ACER3: variants seen among roughly 807,000 people sequenced by gnomAD.
The protein encoded by ACER3 is alkaline ceramidase 3.
Under a neutral mutation model 48.9 loss-of-function variants are expected in ACER3, and 16 were observed. The ratio of observed to expected loss-of-function variants is 0.33; its 90% CI spans 0.22 to 0.50. The LOEUF is 0.50. ACER3 is among the 20% of genes least tolerant of loss of function. The pLI is 0.98. For missense variants in ACER3, 227 were observed against 326.0 expected (o/e 0.70, Z 2.34); for synonymous variants, 109 against 107.8 (o/e 1.01, Z -0.07).
At chr11:76,927,852 T>C (rs563913802) in intron 2 of ACER3, among the ~76,000 whole-genome samples, 144 of 152,314 alleles carry the variant, frequency 9.5e-4, no homozygotes, top group Middle Eastern at 3.4e-3. Flanking sequence ...TCTTAATCCA[T>C]TCTATCATTG....
chr11:76,875,735 T>G (rs1457487768), intron 1 of ACER3, among the ~76,000 whole-genome samples: 1,592 of 117,352 alleles, frequency 0.014, 36 homozygotes, highest in African/African-American at 0.071. Context: ...TTTTGTTGTT[T>G]TTTTTTTTTT....
Position 77,022,556 on chromosome 11 carries a change from C to A in ACER3, c.*2229C>A, listed in dbSNP as rs1240682286. 6.6e-6 allele frequency: 1 copy of A among 152,204 alleles called. No homozygotes were observed. The highest frequency in any genetic ancestry group is 1.5e-5 in the Non-Finnish European group (1 of 68,048). The allele number at this position is 152,204 out of a possible 1,614,324, so 9.4% of individuals were successfully genotyped here. Reference sequence around the variant, plus strand: ...TACTCAAGACTTTGTATCTGTGCAGCATTTTATGGAAATCACTGGTGACCT... The same window carrying A: ...TACTCAAGACTTTGTATCTGTGCAGAATTTTATGGAAATCACTGGTGACCT... On this transcript the variant is annotated 3_prime_UTR_variant, in exon 11 of 11. Transcript: ENST00000532485.
chr11:76,872,423 A>T (rs1945265863), intron 1 of ACER3, among the ~76,000 whole-genome samples: 1 of 151,728 alleles, frequency 6.6e-6, no homozygotes, highest in African/African-American at 2.4e-5. Flanking sequence ...CTACCACACT[A>T]CCCTGCCTTC....
chr11:76,961,563 A>AG (rs1174769606), intron 3 of ACER3, among the ~76,000 whole-genome samples: 2 of 151,420 alleles, frequency 1.3e-5, no homozygotes, highest in African/African-American at 4.9e-5. Flanking sequence ...AAAAAAAAAA[A>AG]GGACAATATC....
At chr11:76,997,247 G>A (rs895073054) in intron 6 of ACER3, among the ~76,000 whole-genome samples, 1 of 152,066 alleles carries the variant, frequency 6.6e-6, no homozygotes, top group Non-Finnish European at 1.5e-5. Flanking sequence ...TTTAAACACC[G>A]TATCCTCCAG....
chr11:76,975,573 G>A (rs186911074), intron 3 of ACER3, among the ~76,000 whole-genome samples: 1 of 152,226 alleles, frequency 6.6e-6, no homozygotes, highest in Non-Finnish European at 1.5e-5. Flanking sequence ...ATATAGGAAG[G>A]ATGGAAATGC....
Position 76,907,957 on chromosome 11 carries a change from C to T in ACER3, c.104-18600C>T, listed in dbSNP as rs146295760. 5.3e-3 allele frequency among the ~76,000 whole-genome samples: 804 copies of T among 152,254 alleles called. 5 individuals are homozygous for T. The highest frequency in any genetic ancestry group is 0.017 in the African/African-American group (694 of 41,558). ...ATTATATACAAATTATAATTTTTGC[C>T]GGGCACAGTGGCTGACGCCTGTAAT... On this transcript the variant is annotated intron_variant, in intron 1 of 10. Transcript: ENST00000532485.
At chr11:76,971,476 G>T (rs1046544184) in intron 3 of ACER3, among the ~76,000 whole-genome samples, 3 of 151,750 alleles carry the variant, frequency 2.0e-5, no homozygotes, top group African/African-American at 7.3e-5. Context: ...GGAGGCAGAG[G>T]TTGCAGTGAG....
intron 1 of ACER3, among the ~76,000 whole-genome samples, chr11:76,917,859 CAAA>C (rs5792749): frequency 2.4e-4 from 27 of 112,988 alleles, no homozygotes; most frequent in Non-Finnish European, 3.5e-4. Flanking sequence ...GACCCTGTCT[CAAA>C]AAAAAAAAAA....
intron 1 of ACER3, among the ~76,000 whole-genome samples, chr11:76,911,121 A>C (rs928596184): frequency 6.6e-6 from 1 of 152,172 alleles, no homozygotes; most frequent in African/African-American, 2.4e-5. Flanking sequence ...ATCGAAAGCA[A>C]GTTTATTAAG....
intron 1 of ACER3, among the ~76,000 whole-genome samples, chr11:76,861,862 A>G (rs185313076): frequency 6.6e-6 from 1 of 152,236 alleles, no homozygotes; most frequent in African/African-American, 2.4e-5. Context: ...CACCGACTGC[A>G]CCTTCTGAGG....
intron 3 of ACER3, among the ~76,000 whole-genome samples, chr11:76,971,996 GACAGCTT>G (rs1194203400): frequency 6.6e-6 from 1 of 152,158 alleles, no homozygotes; most frequent in Non-Finnish European, 1.5e-5. Context: ...CCCTAGAAAA[GACAGCTT>G]TTTAGCTATT....
At chr11:76,926,967 A>G (rs1300067023) in intron 2 of ACER3, among the ~76,000 whole-genome samples, 1 of 152,094 alleles carries the variant, frequency 6.6e-6, no homozygotes, top group African/African-American at 2.4e-5. Flanking sequence ...TTTGTTTCAG[A>G]TCTTTTTCTT....
At chr11:76,928,587 G>T (rs1260191210) in intron 2 of ACER3, among the ~76,000 whole-genome samples, 1 of 152,108 alleles carries the variant, frequency 6.6e-6, no homozygotes, top group African/African-American at 2.4e-5. Context: ...GGTTTTTATG[G>T]TTTTAGGTCT....
chr11:76,903,066 A>T (rs946893959), intron 1 of ACER3, among the ~76,000 whole-genome samples: 7 of 152,206 alleles, frequency 4.6e-5, no homozygotes, highest in Non-Finnish European at 7.4e-5. Flanking sequence ...CATAAGTTTT[A>T]TGTATCCATG....
At chr11:76,900,562 A>T (rs1226652974) in intron 1 of ACER3, among the ~76,000 whole-genome samples, 2 of 152,024 alleles carry the variant, frequency 1.3e-5, no homozygotes, top group Non-Finnish European at 2.9e-5. Flanking sequence ...TCTCATTTTC[A>T]TAATCCCAGC....
chr11:76,925,632 C>T (rs891870534), intron 1 of ACER3, among the ~76,000 whole-genome samples: 1 of 152,170 alleles, frequency 6.6e-6, no homozygotes, highest in Non-Finnish European at 1.5e-5. Flanking sequence ...TACCTCTCTC[C>T]TGTGTTGCAG....
chr11:77,012,205 G>C (rs576880341), intron 7 of ACER3, among the ~76,000 whole-genome samples: 55 of 152,068 alleles, frequency 3.6e-4, no homozygotes, highest in African/African-American at 1.3e-3. Flanking sequence ...GGATCACGAG[G>C]TCAAGAGATC....
At chr11:76,875,164 A>AGT (rs922957018) in intron 1 of ACER3, among the ~76,000 whole-genome samples, 2 of 118,246 alleles carry the variant, frequency 1.7e-5, no homozygotes, top group African/African-American at 6.0e-5. Context: ...GCCAGGCTGG[A>AGT]GTGCAGTGGT....
Sources: allele counts gnomAD v4.1 joint callset (sites outside exome capture counted in the v4.1 genomes callset), GRCh38; gene constraint gnomAD v4.1.1; transcripts MANE v1.5; gene names NCBI Gene and HGNC (gene_info 2026-07-23, HGNC 2026-07-21).